CSMD2: variants seen among roughly 807,000 people sequenced by gnomAD.
CSMD2 encodes CUB and sushi domain-containing protein 2.
CSMD2 carries 130 observed loss-of-function variants against 398.5 expected under a neutral mutation model. The ratio of observed to expected loss-of-function variants is 0.33; its 90% CI spans 0.28 to 0.38. The LOEUF (loss-of-function observed/expected upper bound fraction) is 0.38, where lower values mean the gene tolerates loss of function less well. Among genes scored for constraint, CSMD2 ranks in the 10% least tolerant of loss-of-function variants. The pLI, the probability that CSMD2 is intolerant of heterozygous loss-of-function variation, is 1.00. For synonymous variants in CSMD2, 1,828 were observed against 1,908.5 expected (o/e 0.96, Z 1.10); for missense variants, 3,829 against 4,764.9 (o/e 0.80, Z 5.78).
At chr1:33,698,173 T>C (rs1645485922) in intron 24 of CSMD2, among the ~76,000 whole-genome samples, 2 of 152,224 alleles carry the variant, frequency 1.3e-5, no homozygotes, top group Admixed American at 1.3e-4. Flanking sequence ...GACACATGTG[T>C]AAAGATTCTA....
chr1:33,848,031 G>C (rs1486608804), intron 5 of CSMD2, among the ~76,000 whole-genome samples: 1 of 152,170 alleles, frequency 6.6e-6, no homozygotes, highest in African/African-American at 2.4e-5. Context: ...AGTCATGTAA[G>C]AAGAGTCCCA....
chr1:33,734,552 C>T (rs941554641), intron 15 of CSMD2, among the ~76,000 whole-genome samples: 5 of 151,848 alleles, frequency 3.3e-5, no homozygotes, highest in South Asian at 2.1e-4. Flanking sequence ...TTTGGGAGGC[C>T]GAGGCTGGAA....
chr1:34,090,710 T>G (rs770712935), intron 1 of CSMD2, among the ~76,000 whole-genome samples: 7 of 152,140 alleles, frequency 4.6e-5, no homozygotes, highest in Admixed American at 1.3e-4. Flanking sequence ...CCGTATTAAC[T>G]CCTAACTGGT....
At chr1:33,622,053 G>A (rs1570976055) in intron 37 of CSMD2, 114 bp downstream of exon 37, 1 of 787,496 alleles carries the variant, frequency 1.3e-6, no homozygotes, top group East Asian at 2.5e-5. Context: ...TTTGTGGGAA[G>A]GCTTAAGTGG....
At chr1:33,769,248 T>C (rs963115451) in intron 13 of CSMD2, among the ~76,000 whole-genome samples, 5 of 152,194 alleles carry the variant, frequency 3.3e-5, no homozygotes, top group Non-Finnish European at 5.9e-5. Flanking sequence ...GTAAAGAATA[T>C]ATGCAGCCTG....
At chr1:33,939,751 C>T (rs1236501389) in intron 3 of CSMD2, among the ~76,000 whole-genome samples, 1 of 152,060 alleles carries the variant, frequency 6.6e-6, no homozygotes, top group Admixed American at 6.5e-5. Context: ...ATGAATGGGG[C>T]TCATTTCCAA....
intron 2 of CSMD2, among the ~76,000 whole-genome samples, chr1:34,048,881 CTTGT>C (rs1288767572): frequency 6.6e-6 from 1 of 152,146 alleles, no homozygotes; most frequent in Non-Finnish European, 1.5e-5. Flanking sequence ...GACAGAAATG[CTTGT>C]TGGCCCACTT....
chr1:33,562,627 C>A (rs1658677590), intron 53 of CSMD2, among the ~76,000 whole-genome samples: 1 of 152,166 alleles, frequency 6.6e-6, no homozygotes, highest in Admixed American at 6.5e-5. Context: ...GGCCGTGATA[C>A]CTAGACATAT....
At chr1:33,588,064 G>T (rs1326075648) in intron 44 of CSMD2, among the ~76,000 whole-genome samples, 1 of 152,170 alleles carries the variant, frequency 6.6e-6, no homozygotes, top group African/African-American at 2.4e-5. Flanking sequence ...TGCCCTCTCA[G>T]AGATAACGAC....
At chr1:34,070,039 G>A (rs1189450426) in intron 2 of CSMD2, among the ~76,000 whole-genome samples, 1 of 152,124 alleles carries the variant, frequency 6.6e-6, no homozygotes, top group Non-Finnish European at 1.5e-5. Flanking sequence ...AAAGAAAATT[G>A]CAGGTTTGAA....
intron 21 of CSMD2, among the ~76,000 whole-genome samples, chr1:33,712,271 T>C (rs1267668934): frequency 6.6e-6 from 1 of 152,074 alleles, no homozygotes; most frequent in Non-Finnish European, 1.5e-5. Context: ...CAGGGCTGTC[T>C]CTTCTACATC....
intron 2 of CSMD2, among the ~76,000 whole-genome samples, chr1:34,068,998 C>T (rs777333832): frequency 6.6e-6 from 1 of 152,136 alleles, no homozygotes; most frequent in Non-Finnish European, 1.5e-5. Flanking sequence ...TTAGGTATGT[C>T]TTTATCAGCA....
intron 6 of CSMD2, among the ~76,000 whole-genome samples, chr1:33,833,387 C>A (rs867608749): frequency 6.7e-6 from 1 of 149,728 alleles, no homozygotes; most frequent in Non-Finnish European, 1.5e-5. Context: ...ATAAACAGAG[C>A]CAAAGACAAA....
chr1:34,091,762 T>C lies in CSMD2; in HGVS notation c.188-2569A>G, dbSNP rs111457870. ...AAAACTAGGAAAAAGAATATTTCCT[T>C]ACTATGATAAAGCTTCAATTTTAGA... On this transcript the variant is annotated intron_variant, in intron 1 of 70. Transcript: ENST00000373381. 8.5e-5 allele frequency among the ~76,000 whole-genome samples: 13 copies of C among 152,322 alleles called. 1 individual carries two copies. The highest frequency in any genetic ancestry group is 2.9e-4 in the African/African-American group (12 of 41,570).
Position 33,624,540 on chromosome 1 carries a change from GA to G in CSMD2, c.5603del (p.Val1868AlafsTer15). ...NSLNCVWKIV[V>X]PEGAGIQIQV... ...CTACCTGGATGCCAGCGCCTTCGGG[GA>G]CCACGATCTTCCACACACAGTTGAG... On this transcript the variant is annotated frameshift_variant, in exon 35 of 71. Transcript: ENST00000373381. LOFTEE classifies it high-confidence loss of function. The surrounding 1 kb of genome is among the most constrained non-coding windows in gnomAD (Gnocchi z 4.7). The G allele has an allele frequency of 6.2e-7, 1 of 1,613,886 alleles. No individual in the cohort carries two copies. The highest frequency in any genetic ancestry group is 8.5e-7 in the Non-Finnish European group (1 of 1,179,892).
At chr1:34,158,570 C>A (rs1269765226) in intron 1 of CSMD2, among the ~76,000 whole-genome samples, 1 of 152,174 alleles carries the variant, frequency 6.6e-6, no homozygotes, top group Non-Finnish European at 1.5e-5. Flanking sequence ...AGAAAAGACT[C>A]CCCCCACTGG....
At chr1:34,145,786 G>T (rs1639714233) in intron 1 of CSMD2, among the ~76,000 whole-genome samples, 1 of 152,172 alleles carries the variant, frequency 6.6e-6, no homozygotes, top group Admixed American at 6.5e-5. Context: ...CCTCCTTTCT[G>T]CCCAGGCTAG....
At chr1:33,539,508 C>T (rs772536465) in intron 60 of CSMD2, among the ~76,000 whole-genome samples, 11 of 152,166 alleles carry the variant, frequency 7.2e-5, no homozygotes, top group Non-Finnish European at 1.5e-4. Context: ...ACAGTATGTA[C>T]AGCATGAGCC....
At chr1:33,944,216 C>G (rs1379589324) in intron 3 of CSMD2, among the ~76,000 whole-genome samples, 2 of 151,256 alleles carry the variant, frequency 1.3e-5, no homozygotes, top group African/African-American at 4.9e-5. Flanking sequence ...GCATATGATT[C>G]ATATCTCAGG....
Sources: gnomAD v4.1 joint callset for allele counts (sites outside exome capture counted in the v4.1 genomes callset) on GRCh38, gnomAD v4.1.1 for gene constraint, Gnocchi (gnomAD v3.1) non-coding constraint, MANE v1.5 for transcripts, NCBI Gene and HGNC (gene_info 2026-07-23, HGNC 2026-07-21) for gene names.